Variants in RAB6A observed in about 807,000 individuals in gnomAD.
RAB6A encodes the protein RAB6A, member RAS oncogene family, also known as ras-related protein Rab-6A.
RAB6A carries 8 observed loss-of-function variants against 32.3 expected under a neutral mutation model. The observed-to-expected ratio is 0.25, with a 90% confidence interval of 0.15 to 0.45. The LOEUF (loss-of-function observed/expected upper bound fraction) is 0.45, where lower values mean the gene tolerates loss of function less well. Among genes scored for constraint, RAB6A ranks in the 20% least tolerant of loss-of-function variants. The pLI is 1.00. For missense variants in RAB6A, 104 were observed against 249.4 expected (o/e 0.42, Z 3.93); for synonymous variants, 73 against 82.1 (o/e 0.89, Z 0.60).
At chr11:73,679,939 A>C (rs182654663) in intron 6 of RAB6A, among the ~76,000 whole-genome samples, 10 of 152,108 alleles carry the variant, frequency 6.6e-5, no homozygotes, top group Non-Finnish European at 1.3e-4. Context: ...TACAAAAAAA[A>C]ACACAAAAAT....
intron 6 of RAB6A, among the ~76,000 whole-genome samples, chr11:73,680,871 A>G (rs1945345591): frequency 1.3e-5 from 2 of 152,158 alleles, no homozygotes; most frequent in African/African-American, 4.8e-5. Flanking sequence ...AGCTATGAAA[A>G]GTTATCTTCA....
rs548102372 is a variant in RAB6A, at chr11:73,738,696, G to A, written c.71-7873C>T. On this transcript the variant is annotated intron_variant, in intron 1 of 7. Coordinates refer to ENST00000336083, the MANE Select transcript of RAB6A (RefSeq NM_198896.2). ...TCCAATATTGAGGCCAGGAGCGGTC[G>A]CACTTTGGTAGGCCGAGGCAGGCAG... Among the ~76,000 whole-genome samples, 28 of 152,112 alleles carry A rather than the reference G, an allele frequency of 1.8e-4. No homozygotes were observed. The South Asian group carries it at 2.1e-3, about 11-fold the overall frequency.
chr11:73,679,209 C>T (rs1321557367), intron 7 of RAB6A, among the ~76,000 whole-genome samples: 1 of 152,152 alleles, frequency 6.6e-6, no homozygotes, highest in Admixed American at 6.5e-5. Flanking sequence ...ATGTCCCAAT[C>T]CTTGGAAATG....
At chr11:73,742,287 T>C (rs2134995995) in intron 1 of RAB6A, among the ~76,000 whole-genome samples, 1 of 150,956 alleles carries the variant, frequency 6.6e-6, no homozygotes, top group South Asian at 2.1e-4. Context: ...GTCTCAAAAA[T>C]AAATAAATAA....
At chr11:73,680,454 A>C (rs1482552983) in intron 6 of RAB6A, among the ~76,000 whole-genome samples, 1 of 152,188 alleles carries the variant, frequency 6.6e-6, no homozygotes, top group Non-Finnish European at 1.5e-5. Flanking sequence ...CAGGAGTTCA[A>C]GACCAGCCTG....
At chr11:73,730,200 T>C (rs1227990133) in intron 2 of RAB6A, 3 of 152,284 alleles carry the variant, frequency 2.0e-5, no homozygotes. Flanking sequence ...TAAAGTAGAA[T>C]GTTAGGCTAT....
At chr11:73,703,194 G>C (rs2134909990) in intron 6 of RAB6A, among the ~76,000 whole-genome samples, 1 of 152,226 alleles carries the variant, frequency 6.6e-6, no homozygotes, top group South Asian at 2.1e-4. Context: ...AGATGAACAT[G>C]TATCTATGTC....
chr11:73,702,740 T>A (rs1945766667), intron 6 of RAB6A, among the ~76,000 whole-genome samples: 2 of 152,192 alleles, frequency 1.3e-5, no homozygotes, highest in Non-Finnish European at 2.9e-5. Flanking sequence ...TATTTCCATA[T>A]CTTCATTGCT....
At chr11:73,760,153 G>A in intron 1 of RAB6A, 1 of 1,264,242 alleles carries the variant, frequency 7.9e-7, no homozygotes, top group Non-Finnish European at 1.0e-6. Context: ...CGGGAGTGGG[G>A]CTTCCCTGAG....
At chr11:73,707,568 G>T (rs535756530) in intron 5 of RAB6A, 55 bp from the exon 6 acceptor site, 2 of 1,292,508 alleles carry the variant, frequency 1.5e-6, no homozygotes, top group East Asian at 2.3e-5. Flanking sequence ...GTATTATAAA[G>T]ATTATAAAGA....
rs1278262241 is a variant in RAB6A, at chr11:73,760,884, C to G, written c.-249G>C. 9 of 493,248 alleles carry G rather than the reference C, an allele frequency of 1.8e-5. No individual in the cohort carries two copies. In the South Asian group the frequency reaches 3.2e-4, roughly 17 times the overall value. The allele number at this position is 493,248 out of a possible 1,614,324, so 30.6% of individuals were successfully genotyped here. A position where few individuals can be genotyped will look rare whatever the true frequency, so the allele number is the denominator to read the frequency against. ...GCTGGGAAGGGAAGGAGGGCGGTGTCGGCAGGAGCCAGGGGTGTCCTCTGG... is the reference window on the plus strand; with the variant it reads ...GCTGGGAAGGGAAGGAGGGCGGTGTGGGCAGGAGCCAGGGGTGTCCTCTGG... On this transcript the variant is annotated 5_prime_UTR_variant, in exon 1 of 8. Coordinates refer to ENST00000336083, the MANE Select transcript of RAB6A (RefSeq NM_198896.2).
chr11:73,702,857 A>T (rs1195292794), intron 6 of RAB6A, among the ~76,000 whole-genome samples: 3 of 151,298 alleles, frequency 2.0e-5, no homozygotes, highest in African/African-American at 7.3e-5. Context: ...TATATATATT[A>T]TTATTTTTTT....
At chr11:73,756,994 G>A (rs914268922) in intron 1 of RAB6A, among the ~76,000 whole-genome samples, 4 of 150,108 alleles carry the variant, frequency 2.7e-5, no homozygotes, top group Admixed American at 6.7e-5. Context: ...TTATTAAACC[G>A]TAAGAATTTA....
In RAB6A at chr11:73,760,579, C is replaced by A; in HGVS notation, c.57G>T (p.Leu19=). The A allele has an allele frequency of 6.2e-7, 1 of 1,610,300 alleles. No homozygotes were observed. Among genetic ancestry groups the A allele is most frequent in the Non-Finnish European group, 8.5e-7 (1 of 1,178,434 alleles). ...NPLRKFKLVF[L]GEQSVGKTSL... ...CCACGCACTCACCGCTTTGCTCCCC[C>A]AGGAACACCAGCTTGAATTTCCTCA... The change falls in exon 1 of 8, where the codon CTG becomes CTT. Residue 19 remains leucine, a synonymous_variant. Coordinates refer to ENST00000336083, the MANE Select transcript of RAB6A (RefSeq NM_198896.2).
chr11:73,759,938 ACC>A, intron 1 of RAB6A: 2 of 956,314 alleles, frequency 2.1e-6, no homozygotes, highest in Admixed American at 2.6e-5. Context: ...TTCACCCCCA[ACC>A]ACCCCATGCT....
At chr11:73,739,222 G>A (rs1490225091) in intron 1 of RAB6A, among the ~76,000 whole-genome samples, 4 of 127,552 alleles carry the variant, frequency 3.1e-5, no homozygotes, top group Non-Finnish European at 6.4e-5. Context: ...TCTGGCCTGG[G>A]AGACAGAGCA....
intron 1 of RAB6A, among the ~76,000 whole-genome samples, chr11:73,748,873 C>T (rs1298322375): frequency 6.6e-6 from 1 of 152,038 alleles, no homozygotes; most frequent in African/African-American, 2.4e-5. Context: ...ACCTGTAATT[C>T]CAACACTTTG....
Position 73,733,003 on chromosome 11 carries a change from G to C in RAB6A, c.71-2180C>G, listed in dbSNP as rs144468993. 5.2e-3 allele frequency among the ~76,000 whole-genome samples: 783 copies of C among 152,034 alleles called. 9 individuals are homozygous for C. Among genetic ancestry groups the C allele is most frequent in the African/African-American group, 0.018 (737 of 41,478 alleles). On this transcript the variant is annotated intron_variant, in intron 1 of 7. Coordinates refer to ENST00000336083, the MANE Select transcript of RAB6A (RefSeq NM_198896.2). ...AATTTTTTTACTTTTAGTAGAGACA[G>C]GGTTTCACTATGTTCGCCTGGCTGG... is the stretch of plus-strand genomic sequence containing the variant.
At chr11:73,753,203 T>C (rs546901123) in intron 1 of RAB6A, among the ~76,000 whole-genome samples, 22 of 152,230 alleles carry the variant, frequency 1.4e-4, no homozygotes, top group African/African-American at 4.8e-4. Flanking sequence ...TGAGCTATAA[T>C]GGCACCCCTG....
Sources: gnomAD v4.1 joint callset for allele counts (sites outside exome capture counted in the v4.1 genomes callset) on GRCh38, gnomAD v4.1.1 for gene constraint, MANE v1.5 for transcripts, NCBI Gene and HGNC (gene_info 2026-07-23, HGNC 2026-07-21) for gene names.